ODAD3: variants seen among roughly 807,000 people sequenced by gnomAD.
The protein encoded by ODAD3 is outer dynein arm docking complex subunit 3.
ODAD3 carries 57 observed loss-of-function variants against 70.9 expected under a neutral mutation model. The ratio of observed to expected loss-of-function variants is 0.80; its 90% CI spans 0.65 to 1.00. The LOEUF is 1.00. Ranked by LOEUF, ODAD3 falls within the 50% of genes least tolerant of loss-of-function variation. ODAD3 has a pLI of 0.00. For missense variants in ODAD3, 797 were observed against 763.9 expected, an observed-to-expected ratio of 1.04 and a Z score of -0.51; for synonymous variants, 327 against 315.9, an observed-to-expected ratio of 1.04 and a Z score of -0.37.
intron 1 of ODAD3, among the ~76,000 whole-genome samples, chr19:11,434,292 C>T (rs939182759): frequency 2.0e-5 from 3 of 148,908 alleles, no homozygotes; most frequent in African/African-American, 4.9e-5. Context: ...GAGGCCGAGG[C>T]GGGCTCACGC....
intron 8 of ODAD3, among the ~76,000 whole-genome samples, chr19:11,423,471 G>A (rs1278446755): frequency 1.3e-5 from 2 of 152,288 alleles, no homozygotes; most frequent in South Asian, 2.1e-4. Context: ...GGGACCCGGC[G>A]CAGGGACCCC....
rs780436731 is a variant in ODAD3, at chr19:11,421,813, C to T, written c.1454G>A (p.Gly485Glu). ...ATCTGCCTGGGGATCCAGCTCCTTT[C>T]CCGCGAAGCGGCCGTCCTCCTGCGG... ...HITVEDGRFAGKELDPQADNY... is the reference protein window; with the variant it reads ...HITVEDGRFAEKELDPQADNY... Residue 485 changes from glycine (G) to glutamate (E), a missense_variant, in exon 11 of 13, where the codon GGA becomes GAA. Physicochemically the swap from Gly to Glu is moderately conservative, Grantham distance 98. Coordinates refer to ENST00000356392, the MANE Select transcript of ODAD3 (RefSeq NM_145045.5). The T allele has an allele frequency of 6.2e-7, 1 of 1,612,894 alleles. No individual in the cohort carries two copies.
intron 1 of ODAD3, among the ~76,000 whole-genome samples, chr19:11,431,913 A>C (rs1364644292): frequency 6.8e-6 from 1 of 147,822 alleles, no homozygotes; most frequent in African/African-American, 2.5e-5. Context: ...ACTGCACTCC[A>C]GCCTGGGTGA....
intron 1 of ODAD3, 195 bp downstream of exon 1, chr19:11,434,578 T>C (rs1329330252): frequency 3.8e-6 from 2 of 525,630 alleles, no homozygotes; most frequent in Admixed American, 3.1e-5. Context: ...CAAGAAAGTA[T>C]GAAGTACAGT....
In ODAD3 at chr19:11,425,273, G is replaced by GTACATA. The variant is rs1209413763; in HGVS notation, c.963+870_963+871insTATGTA. The stretch of plus-strand genomic sequence containing the variant: ...TATGTATATGTACATATGTGTATAT[G>GTACATA]TGTGTATATGTACATATGTGTATAT... On this transcript the variant is annotated intron_variant, in intron 7 of 12. Coordinates refer to ENST00000356392, the MANE Select transcript of ODAD3 (RefSeq NM_145045.5). 2.7e-4 allele frequency among the ~76,000 whole-genome samples: 33 copies of GTACATA among 124,130 alleles called. 3 individuals carry two copies. The highest frequency in any genetic ancestry group is 1.4e-3 in the African/African-American group (32 of 22,602). 81.4% of individuals were successfully genotyped at this position (124,130 alleles called of 152,430 possible).
In ODAD3 at chr19:11,426,923, G is replaced by A; in HGVS notation, c.562C>T (p.Arg188Cys). The A allele has an allele frequency of 1.2e-6, 2 of 1,610,140 alleles. No homozygotes were observed. Among genetic ancestry groups the A allele is most frequent in the South Asian group, 1.1e-5 (1 of 90,986 alleles). ...LEELQLQHSL[R>C]LLEMAEAQNR... Reference sequence around the variant, plus strand: ...TGCGCCTCCGCCATCTCCAGAAGGCGCAGGCTGTGCTGCAGCTGGAGCTCC... The same window carrying A: ...TGCGCCTCCGCCATCTCCAGAAGGCACAGGCTGTGCTGCAGCTGGAGCTCC... The change falls in exon 4 of 13, where the codon CGC becomes TGC. Residue 188 changes from arginine to cysteine, a missense_variant. Transcript: ENST00000356392.
intron 1 of ODAD3, among the ~76,000 whole-genome samples, chr19:11,432,954 C>T (rs1336890669): frequency 2.6e-5 from 4 of 152,134 alleles, no homozygotes; most frequent in East Asian, 1.9e-4. Context: ...CCACCATGCC[C>T]GGCTAATTTT....
upstream of ODAD3, chr19:11,435,203 T>C (rs549267844): frequency 6.7e-5 from 95 of 1,425,094 alleles, no homozygotes; most frequent in African/African-American, 1.2e-3. Context: ...ACTGTTTCCA[T>C]GGAGATCACC....
upstream of ODAD3, chr19:11,435,369 C>G (rs1969656117): frequency 6.4e-6 from 3 of 468,642 alleles, no homozygotes; most frequent in South Asian, 6.3e-5. Context: ...CAACCTTATC[C>G]CGCCCCTGGG....
Position 11,420,953 on chromosome 19 carries a change from G to C in ODAD3, c.1676-6C>G, listed in dbSNP as rs770567630. On this transcript the variant is annotated splice_polypyrimidine_tract_variant and splice_region_variant and intron_variant, in intron 12 of 12. Coordinates refer to ENST00000356392, the MANE Select transcript of ODAD3 (RefSeq NM_145045.5). Reference sequence around the variant, plus strand: ...CTCCTCCTCACTCTCTTCGTCTAAGGGGGGTGGGGGGATGAGCAGGGAGCG... The same window carrying C: ...CTCCTCCTCACTCTCTTCGTCTAAGCGGGGTGGGGGGATGAGCAGGGAGCG... The C allele has an allele frequency of 2.5e-6, 4 of 1,612,248 alleles. No homozygotes were observed. The highest frequency in any genetic ancestry group is 1.1e-5 in the South Asian group (1 of 91,040).
chr19:11,434,212 C>CAA (rs1157296691), intron 1 of ODAD3, among the ~76,000 whole-genome samples: 1,476 of 85,940 alleles, frequency 0.017, 74 homozygotes, highest in African/African-American at 0.071. Context: ...GACCCTGTCT[C>CAA]AAAAAACAAA....
chr19:11,434,127 C>T (rs139227352), intron 1 of ODAD3, among the ~76,000 whole-genome samples: 3,530 of 151,630 alleles, frequency 0.023, 131 homozygotes, highest in African/African-American at 0.081. Context: ...GCTCGAGAAT[C>T]GCTTGAACCT....
At chr19:11,424,979 GTGTATATGTACATATGTGTATA>G (rs1969251282) in intron 7 of ODAD3, among the ~76,000 whole-genome samples, 1 of 130,542 alleles carries the variant, frequency 7.7e-6, no homozygotes, top group Non-Finnish European at 1.6e-5. Context: ...ATGTATATAT[GTGTATATGTACATATGTGTATA>G]TGTATATATG....
At chr19:11,435,678 G>A, upstream of ODAD3, 1 of 1,304,478 alleles carries the variant, frequency 7.7e-7, no homozygotes, top group Non-Finnish European at 1.0e-6. Context: ...GAGGGGTGCG[G>A]TGGATACTGA....
Position 11,420,805 on chromosome 19 carries a change from G to C in ODAD3, c.*30C>G. 1.3e-6 allele frequency: 2 copies of C among 1,588,798 alleles called. No individual in the cohort carries two copies. Among genetic ancestry groups the C allele is most frequent in the Non-Finnish European group, 1.7e-6 (2 of 1,157,462 alleles). On this transcript the variant is annotated 3_prime_UTR_variant, in exon 13 of 13. Transcript: ENST00000356392. ...ACCCGGAGGGATCGGGGGCTCCGAA[G>C]GGGGCCGCCTGGTGGGTGTCAGGAC...
rs914194519 is a variant in ODAD3 at position 11,435,103 on chromosome 19, C to T, written c.-87G>A. ...GTCAGGGATCCGTCAGCTCGGATTC[C>T]TAGGGCTCTGAAAAATGCACTTTCC... is the stretch of plus-strand genomic sequence containing the variant. On this transcript the variant is annotated 5_prime_UTR_variant, in exon 1 of 13. Transcript: ENST00000356392. The T allele has an allele frequency of 6.7e-7, 1 of 1,502,108 alleles. No individual in the cohort carries two copies. The highest frequency in any genetic ancestry group is 1.4e-5 in the African/African-American group (1 of 71,740). The allele number at this position is 1,502,108 out of a possible 1,614,324, so 93.0% of individuals were successfully genotyped here. A position where few individuals can be genotyped will look rare whatever the true frequency, so the allele number is the denominator to read the frequency against.
chr19:11,427,754 T>C (rs891999273), intron 3 of ODAD3, among the ~76,000 whole-genome samples: 2 of 151,740 alleles, frequency 1.3e-5, no homozygotes, highest in Non-Finnish European at 2.9e-5. Flanking sequence ...AGTGCTGGGA[T>C]TACAGACGTG....
rs774070038 is a variant in ODAD3, at chr19:11,420,957, G to A, written c.1676-10C>T. On this transcript the variant is annotated splice_polypyrimidine_tract_variant and intron_variant, in intron 12 of 12. Coordinates refer to ENST00000356392, the MANE Select transcript of ODAD3 (RefSeq NM_145045.5). Reference sequence around the variant, plus strand: ...TCCTCACTCTCTTCGTCTAAGGGGGGTGGGGGGATGAGCAGGGAGCGATGT... The same window carrying A: ...TCCTCACTCTCTTCGTCTAAGGGGGATGGGGGGATGAGCAGGGAGCGATGT... The A allele has an allele frequency of 1.9e-6, 3 of 1,610,638 alleles. No homozygotes were observed. The highest frequency in any genetic ancestry group is 2.2e-5 in the East Asian group (1 of 44,838).
Position 11,426,439 on chromosome 19 carries a change from G to A in ODAD3, c.840+7C>T, listed in dbSNP as rs376424048. ...GGCAGGATGGCCGAGGGCAAGAGGGGTGGCACCTTGGCAATGTCCCGGGCA... is the reference window on the plus strand; with the variant it reads ...GGCAGGATGGCCGAGGGCAAGAGGGATGGCACCTTGGCAATGTCCCGGGCA... On this transcript the variant is annotated splice_region_variant and intron_variant, in intron 6 of 12. Transcript: ENST00000356392. 19 of 1,613,890 alleles carry A rather than the reference G, an allele frequency of 1.2e-5. No homozygotes were observed. Among genetic ancestry groups the A allele is most frequent in the Middle Eastern group, 1.6e-4 (1 of 6,084 alleles).
Sources: allele counts gnomAD v4.1 joint callset (sites outside exome capture counted in the v4.1 genomes callset), GRCh38; gene constraint gnomAD v4.1.1; transcripts MANE v1.5; gene names NCBI Gene and HGNC (gene_info 2026-07-23, HGNC 2026-07-21).